ANXA9: variants seen among roughly 807,000 people sequenced by gnomAD.
The protein encoded by ANXA9 is annexin A9.
A neutral mutation model predicts 51.8 loss-of-function variants in ANXA9; 47 were observed. The ratio of observed to expected loss-of-function variants is 0.91; its 90% confidence interval spans 0.72 to 1.16. ANXA9 has a LOEUF of 1.16. Ranked by LOEUF, ANXA9 falls within the 50% of genes most tolerant of loss-of-function variation. The pLI is 0.00. For missense variants in ANXA9, 361 were observed against 424.7 expected (o/e 0.85, Z 1.32); for synonymous variants, 154 against 168.7 (o/e 0.91, Z 0.68).
chr1:150,983,586 C>T, intron 4 of ANXA9, 152 bp downstream of exon 4: 2 of 757,422 alleles, frequency 2.6e-6, no homozygotes, highest in Non-Finnish European at 4.3e-6. Flanking sequence ...GTGTGTCAAA[C>T]CCATTCTCAC....
At chr1:150,993,023 C>G (rs1671742878) in intron 12 of ANXA9, among the ~76,000 whole-genome samples, 1 of 152,026 alleles carries the variant, frequency 6.6e-6, no homozygotes, top group Non-Finnish European at 1.5e-5. Context: ...TTGGAGCATC[C>G]TGTTTTACTT....
upstream of ANXA9, among the ~76,000 whole-genome samples, chr1:150,980,412 G>A (rs587665694): frequency 3.3e-5 from 5 of 151,660 alleles, no homozygotes; most frequent in East Asian, 9.7e-4. Context: ...AAAAATGTTA[G>A]TATATTTAAT....
At position 150,994,695 on chromosome 1, in the gene ANXA9, T is replaced by C; in HGVS notation, c.971T>C (p.Leu324Pro). ...TTTGGGAAGTCCCTCTACTCTTCTC[T>C]CCAGGTGAAACTTGGCTACTTCTTA... Reference protein sequence around the residue: ...KKFGKSLYSSLQDAVKGDCQS... With the variant: ...KKFGKSLYSSPQDAVKGDCQS... The change falls in exon 13 of 14, where the codon CTC becomes CCC. Residue 324 changes from leucine (L) to proline (P), a missense_variant. Transcript: ENST00000368947. The C allele has an allele frequency of 1.9e-6, 3 of 1,613,958 alleles. No individual in the cohort carries two copies. Among genetic ancestry groups the C allele is most frequent in the Non-Finnish European group, 2.5e-6 (3 of 1,179,854 alleles).
chr1:150,981,204 C>T (rs144968823), upstream of ANXA9, among the ~76,000 whole-genome samples: 13 of 152,246 alleles, frequency 8.5e-5, no homozygotes, highest in East Asian at 1.7e-3. Flanking sequence ...CAGTGATTAC[C>T]GCCACAGAAA....
chr1:150,981,591 G>A (rs967766791), upstream of ANXA9, among the ~76,000 whole-genome samples: 1 of 152,230 alleles, frequency 6.6e-6, no homozygotes, highest in African/African-American at 2.4e-5. Context: ...GGCAACAGAA[G>A]CAATCTAAGA....
intron 3 of ANXA9, 52 bp from the exon 4 acceptor site, chr1:150,983,286 A>G: frequency 6.2e-7 from 1 of 1,602,182 alleles, no homozygotes; most frequent in South Asian, 1.1e-5. Flanking sequence ...TATGCTGAGG[A>G]GGTGTAGGCA....
upstream of ANXA9, among the ~76,000 whole-genome samples, chr1:150,980,557 C>A (rs1419237081): frequency 6.7e-6 from 1 of 148,662 alleles, no homozygotes; most frequent in Non-Finnish European, 1.5e-5. Context: ...CTGCCACATG[C>A]AATTACACAG....
At chr1:150,991,705 C>T (rs1671704749) in intron 12 of ANXA9, among the ~76,000 whole-genome samples, 2 of 151,930 alleles carry the variant, frequency 1.3e-5, no homozygotes, top group Admixed American at 1.3e-4. Context: ...CCACATCCGG[C>T]TAATTTTTTT....
chr1:150,990,440 C>T (rs1202205894), intron 12 of ANXA9, among the ~76,000 whole-genome samples: 1 of 151,896 alleles, frequency 6.6e-6, no homozygotes, highest in East Asian at 1.9e-4. Flanking sequence ...GATCTCAGCT[C>T]ACTGCAGCCT....
intron 12 of ANXA9, among the ~76,000 whole-genome samples, chr1:150,991,085 G>A (rs1671686136): frequency 6.6e-6 from 1 of 151,256 alleles, no homozygotes; most frequent in African/African-American, 2.4e-5. Flanking sequence ...GGAGCTTGCA[G>A]TGAGCCGAGA....
At chr1:150,979,752 A>G (rs1442082132), upstream of ANXA9, among the ~76,000 whole-genome samples, 1 of 152,212 alleles carries the variant, frequency 6.6e-6, no homozygotes, top group Admixed American at 6.5e-5. Context: ...GGAGGTAAGT[A>G]ATAACAACAG....
chr1:150,983,428 G>T lies in ANXA9; in HGVS notation c.166G>T (p.Gly56Cys). ...DAQRLLRAIT[G>C]QGVDRSAIVD... is the part of the protein sequence containing the mutation. ...GCAGAGGCTACTGAGGGCCATTACT[G>T]GCCAAGGTGAGCCCCTTTCCCCCGG... Residue 56 changes from glycine (G) to cysteine (C), a missense_variant, in exon 4 of 14, where the codon GGC becomes TGC. Transcript: ENST00000368947. 1 of 1,610,178 alleles carries T rather than the reference G, an allele frequency of 6.2e-7. No individual in the cohort carries two copies.
At chr1:150,988,481 G>A in intron 12 of ANXA9, 140 bp downstream of exon 12, 1 of 1,034,934 alleles carries the variant, frequency 9.7e-7, no homozygotes, top group Admixed American at 2.4e-5. Context: ...ACACACCAGG[G>A]CTTACACAGG....
chr1:150,990,739 T>C (rs587599805), intron 12 of ANXA9, among the ~76,000 whole-genome samples: 1 of 152,194 alleles, frequency 6.6e-6, no homozygotes, highest in South Asian at 2.1e-4. Flanking sequence ...TCTCAGCTAC[T>C]TGGGAGGCTG....
At chr1:150,983,906 C>G in intron 4 of ANXA9, 69 bp from the exon 5 acceptor site, 3 of 1,475,526 alleles carry the variant, frequency 2.0e-6, no homozygotes, top group Non-Finnish European at 2.8e-6. Context: ...CGCCTTCCCT[C>G]CTCCAAGGAG....
At chr1:150,990,481 C>T (rs1671668638) in intron 12 of ANXA9, among the ~76,000 whole-genome samples, 1 of 152,078 alleles carries the variant, frequency 6.6e-6, no homozygotes, top group African/African-American at 2.4e-5. Flanking sequence ...ATTCTCTGGC[C>T]TCTGTGTCTT....
At position 150,988,137 on chromosome 1, in the gene ANXA9, T is replaced by C. The variant is rs147533891; in HGVS notation, c.744T>C (p.Ala248=). Residue 248 remains alanine (A), a synonymous_variant, in exon 11 of 14, where the codon GCT becomes GCC. Transcript: ENST00000368947. The stretch of plus-strand genomic sequence containing the variant: ...GCACTGGGCAAGAGCTGGAGGAGGC[T>C]GTCCAGAACCGTTTCCATGGAGATG... The part of the protein sequence containing the change: ...QRSTGQELEE[A]VQNRFHGDAQ... 53 of 1,614,098 alleles carry C rather than the reference T, an allele frequency of 3.3e-5. 1 individual carries two copies. The African/African-American group carries it at 6.8e-4, about 21-fold the overall frequency.
intron 12 of ANXA9, 91 bp downstream of exon 12, chr1:150,988,432 C>A: frequency 6.8e-7 from 1 of 1,477,886 alleles, no homozygotes. Context: ...ATCCTATATA[C>A]ACCGTCTAAA....
upstream of ANXA9, among the ~76,000 whole-genome samples, chr1:150,981,121 G>T (rs1018145205): frequency 1.1e-4 from 17 of 152,102 alleles, no homozygotes; most frequent in African/African-American, 3.6e-4. Flanking sequence ...GGCAGAGCTG[G>T]ATATTGAACC....
Sources: allele counts gnomAD v4.1 joint callset (sites outside exome capture counted in the v4.1 genomes callset), GRCh38; gene constraint gnomAD v4.1.1; transcripts MANE v1.5; gene names NCBI Gene and HGNC (gene_info 2026-07-23, HGNC 2026-07-21).